Variants in ADD3 observed in about 807,000 individuals in gnomAD.
ADD3 encodes the protein gamma-adducin.
A neutral mutation model predicts 80.2 loss-of-function variants in ADD3; 25 were observed. That is an observed-to-expected ratio of 0.31 (90% confidence interval 0.23 to 0.44). ADD3 has a LOEUF of 0.44. ADD3 is among the 20% of genes least tolerant of loss of function. The pLI is 1.00. For synonymous variants in ADD3, 284 were observed against 289.6 expected, an observed-to-expected ratio of 0.98 and a Z score of 0.20; for missense variants, 829 against 847.5, an observed-to-expected ratio of 0.98 and a Z score of 0.27.
At chr10:110,100,538 C>A in intron 1 of ADD3, 87 bp from the exon 2 acceptor site, 2 of 844,634 alleles carry the variant, frequency 2.4e-6, no homozygotes, top group Non-Finnish European at 3.4e-6. Flanking sequence ...ACTCTGAGGG[C>A]AAAATGTAAA....
intron 3 of ADD3, among the ~76,000 whole-genome samples, chr10:110,114,903 C>T (rs911745232): frequency 6.7e-6 from 1 of 149,728 alleles, no homozygotes; most frequent in African/African-American, 2.5e-5. Flanking sequence ...CATAGTAAGA[C>T]CCCATCTCCA....
At chr10:110,099,489 A>G (rs1463301685) in intron 1 of ADD3, among the ~76,000 whole-genome samples, 2 of 152,188 alleles carry the variant, frequency 1.3e-5, no homozygotes, top group Non-Finnish European at 2.9e-5. Flanking sequence ...TGGATCATCA[A>G]TCAATTTGAC....
Position 110,063,737 on chromosome 10 carries a change from T to A in ADD3, c.-29-36888T>A, listed in dbSNP as rs566379459. The stretch of plus-strand genomic sequence containing the variant: ...TGATGAATATGAATATATATATTCA[T>A]TATATATATATATATATATATATAT... On this transcript the variant is annotated intron_variant, in intron 1 of 14. Coordinates refer to ENST00000356080, the MANE Select transcript of ADD3 (RefSeq NM_016824.5). 9.2e-3 allele frequency among the ~76,000 whole-genome samples: 594 copies of A among 64,556 alleles called. 20 individuals carry two copies. The highest frequency in any genetic ancestry group is 0.035 in the African/African-American group (569 of 16,342). 42.4% of individuals were successfully genotyped at this position (64,556 alleles called of 152,430 possible). A position where few individuals can be genotyped will look rare whatever the true frequency, so the allele number is the denominator to read the frequency against.
chr10:110,059,803 C>G (rs949823484), intron 1 of ADD3, among the ~76,000 whole-genome samples: 17 of 152,146 alleles, frequency 1.1e-4, no homozygotes, highest in Non-Finnish European at 2.1e-4. Context: ...ATCATTCATA[C>G]AAGTATGAAT....
chr10:110,008,992 T>G (rs1851996542), intron 1 of ADD3, among the ~76,000 whole-genome samples: 1 of 152,126 alleles, frequency 6.6e-6, no homozygotes, highest in Non-Finnish European at 1.5e-5. Context: ...GGTAGGCTAT[T>G]ATAGCTTAGG....
chr10:110,052,310 C>T (rs1159057552), intron 1 of ADD3, among the ~76,000 whole-genome samples: 1 of 152,204 alleles, frequency 6.6e-6, no homozygotes, highest in Admixed American at 6.5e-5. Flanking sequence ...CTAATGGTCC[C>T]TGCCAGGGGT....
intron 12 of ADD3, among the ~76,000 whole-genome samples, chr10:110,128,868 G>A (rs116998386): frequency 3.3e-5 from 5 of 152,032 alleles, no homozygotes; most frequent in Admixed American, 6.5e-5. Context: ...GAGTTGTTCC[G>A]TATGTCTGTT....
At chr10:110,087,128 C>T (rs1590059936) in intron 1 of ADD3, among the ~76,000 whole-genome samples, 1 of 152,008 alleles carries the variant, frequency 6.6e-6, no homozygotes, top group South Asian at 2.1e-4. Context: ...TCCCAGGTTC[C>T]AGCAATTCTC....
chr10:110,062,563 G>C (rs930418933), intron 1 of ADD3, among the ~76,000 whole-genome samples: 3 of 152,160 alleles, frequency 2.0e-5, no homozygotes, highest in African/African-American at 4.8e-5. Context: ...CTGGGCAACA[G>C]AGCAAGACCC....
At chr10:110,124,613 T>G (rs1354706755) in intron 10 of ADD3, among the ~76,000 whole-genome samples, 1 of 152,202 alleles carries the variant, frequency 6.6e-6, no homozygotes, top group African/African-American at 2.4e-5. Context: ...TGATACTGCT[T>G]TGTAGTTTCT....
chr10:110,074,907 A>G (rs1460686207), intron 1 of ADD3, among the ~76,000 whole-genome samples: 1 of 152,122 alleles, frequency 6.6e-6, no homozygotes, highest in African/African-American at 2.4e-5. Context: ...GGGAAGGAGA[A>G]ATTTCACTGC....
rs141526186 is a variant in ADD3, at chr10:110,073,503, G to A, written c.-29-27122G>A. Reference sequence around the variant, plus strand: ...TACTACCGATAGGGTTGCTGTGGAAGTACATGGAATAAGTATGTAAAGTGC... The same window carrying A: ...TACTACCGATAGGGTTGCTGTGGAAATACATGGAATAAGTATGTAAAGTGC... On this transcript the variant is annotated intron_variant, in intron 1 of 14. Coordinates refer to ENST00000356080, the MANE Select transcript of ADD3 (RefSeq NM_016824.5). Among the ~76,000 whole-genome samples, 624 of 152,296 alleles carry A rather than the reference G, an allele frequency of 4.1e-3. 2 individuals are homozygous for A. The highest frequency in any genetic ancestry group is 7.0e-3 in the Non-Finnish European group (474 of 68,026).
At chr10:110,063,801 A>G (rs1843574037) in intron 1 of ADD3, among the ~76,000 whole-genome samples, 1 of 124,536 alleles carries the variant, frequency 8.0e-6, no homozygotes, top group South Asian at 2.8e-4. Context: ...CACCGTGTGT[A>G]ACCTACCTAA....
intron 8 of ADD3, among the ~76,000 whole-genome samples, chr10:110,120,124 G>A (rs1315332328): frequency 6.7e-6 from 1 of 149,816 alleles, no homozygotes; most frequent in Non-Finnish European, 1.5e-5. Flanking sequence ...TGCACATTGT[G>A]CAGGTTAGTT....
chr10:110,062,350 T>TGCCATTGCATGCCAATGCAG lies in ADD3; in HGVS notation c.-29-38265_-29-38246dup, dbSNP rs1436176876. ...CAGAGGTTGCGGTGAGCCAAGATCATGCCATTGCATGCCAATGCAGGCCAT... is the reference window on the plus strand; with the variant it reads ...CAGAGGTTGCGGTGAGCCAAGATCATGCCATTGCATGCCAATGCAGGCCATTGCATGCCAATGCAGGCCAT... On this transcript the variant is annotated intron_variant, in intron 1 of 14. Coordinates refer to ENST00000356080, the MANE Select transcript of ADD3 (RefSeq NM_016824.5). Among the ~76,000 whole-genome samples, 7 of 149,554 alleles carry TGCCATTGCATGCCAATGCAG rather than the reference T, an allele frequency of 4.7e-5. No homozygotes were observed. The East Asian group carries it at 9.8e-4, about 21-fold the overall frequency.
chr10:110,132,481 A>C (rs1297742019), intron 14 of ADD3, 81 bp downstream of exon 14: 3 of 832,580 alleles, frequency 3.6e-6, no homozygotes, highest in Non-Finnish European at 6.0e-6. Context: ...CACGTGAGGA[A>C]GTTGAATACC....
At chr10:110,104,101 T>TA (rs1483840238) in intron 2 of ADD3, among the ~76,000 whole-genome samples, 5 of 152,122 alleles carry the variant, frequency 3.3e-5, no homozygotes, top group Non-Finnish European at 7.4e-5. Context: ...ACCTGTGAAA[T>TA]AAAGATTCAT....
chr10:110,003,334 T>C (rs1289255356), upstream of ADD3, among the ~76,000 whole-genome samples: 1 of 151,744 alleles, frequency 6.6e-6, no homozygotes, highest in Non-Finnish European at 1.5e-5. Flanking sequence ...TGTCTGTGCA[T>C]GGAGAAAGAG....
intron 1 of ADD3, among the ~76,000 whole-genome samples, chr10:110,091,992 A>G (rs1847574038): frequency 6.6e-6 from 1 of 152,230 alleles, no homozygotes. Flanking sequence ...AAAATGCTCA[A>G]CATCACTAAT....
Sources: allele counts gnomAD v4.1 joint callset (sites outside exome capture counted in the v4.1 genomes callset), GRCh38; gene constraint gnomAD v4.1.1; transcripts MANE v1.5; gene names NCBI Gene and HGNC (gene_info 2026-07-23, HGNC 2026-07-21).